PRDM13: variants seen among roughly 807,000 people sequenced by gnomAD.
PRDM13 encodes PR/SET domain 13, also known as PR domain zinc finger protein 13.
Under a neutral mutation model 36.4 loss-of-function variants are expected in PRDM13, and 15 were observed. The ratio of observed to expected loss-of-function variants is 0.41; its 90% confidence interval spans 0.28 to 0.64. The LOEUF (loss-of-function observed/expected upper bound fraction) is 0.64. Among genes scored for constraint, PRDM13 ranks in the 30% least tolerant of loss-of-function variants. The probability of loss-of-function intolerance (pLI) is 0.29; values close to 1 mark genes in which losing one functional copy is unlikely to be tolerated. For synonymous variants in PRDM13, 531 were observed against 467.7 expected (o/e 1.14, Z -1.75); for missense variants, 1,044 against 1,013.5 (o/e 1.03, Z -0.41).
chr6:99,610,086 T>C (rs775885106), intron 3 of PRDM13, among the ~76,000 whole-genome samples: 45 of 152,314 alleles, frequency 3.0e-4, no homozygotes, highest in Non-Finnish European at 5.1e-4. Flanking sequence ...AGCTGGTCAG[T>C]TGGCAGGTAC....
chr6:99,607,089 C>T lies in PRDM13; in HGVS notation c.55C>T (p.Pro19Ser), dbSNP rs1450621711. Reference protein sequence around the residue: ...ATSVSADCCIPAGLRLGPVPG... With the variant: ...ATSVSADCCISAGLRLGPVPG... Reference sequence around the variant, plus strand: ...CAGCGTGAGTGCCGACTGCTGCATCCCGGCCGGCTTGCGCCTCGGACCGGT... The same window carrying T: ...CAGCGTGAGTGCCGACTGCTGCATCTCGGCCGGCTTGCGCCTCGGACCGGT... Residue 19 changes from proline (P) to serine (S), a missense_variant, in exon 1 of 4, where the codon CCG (proline) becomes TCG (serine). Physicochemically the swap from Pro to Ser is moderately conservative, Grantham distance 74 (BLOSUM62 -1). Around this residue, in one of 3 missense-constraint regions of PRDM13, gnomAD observed 921 missense variants for 865.2 expected, o/e 1.06. Coordinates refer to ENST00000369215, the MANE Select transcript of PRDM13 (RefSeq NM_021620.4). 4.3e-6 allele frequency: 7 copies of T among 1,613,484 alleles called. No homozygotes were observed. Among genetic ancestry groups the T allele is most frequent in the Non-Finnish European group, 5.9e-6 (7 of 1,179,950 alleles).
chr6:99,608,780 G>A lies in PRDM13; in HGVS notation c.184G>A (p.Gly62Ser), dbSNP rs1769990133. Residue 62 changes from glycine (G) to serine (S), a missense_variant, in exon 2 of 4, where the codon GGC becomes AGC. Physicochemically the swap from Gly to Ser is moderately conservative, Grantham distance 56. Coordinates refer to ENST00000369215, the MANE Select transcript of PRDM13 (RefSeq NM_021620.4). ...AGGGGAGCTGGTGGACGAGTCGGGG[G>A]GCTCCCCTCTGGAGTGGATAGGGTT... Reference protein sequence around the residue: ...VRGELVDESGGSPLEWIGLIR... With the variant: ...VRGELVDESGSSPLEWIGLIR... 3 of 1,612,452 alleles carry A rather than the reference G, an allele frequency of 1.9e-6. No homozygotes were observed. Among genetic ancestry groups the A allele is most frequent in the Non-Finnish European group, 2.5e-6 (3 of 1,179,354 alleles).
At chr6:99,612,297 C>A (rs193073358) in intron 3 of PRDM13, among the ~76,000 whole-genome samples, 4 of 152,234 alleles carry the variant, frequency 2.6e-5, no homozygotes, top group Non-Finnish European at 4.4e-5. Flanking sequence ...TTATCATCAC[C>A]CTTTTTAGAG....
At chr6:99,612,490 T>C (rs1583615649) in intron 3 of PRDM13, among the ~76,000 whole-genome samples, 1 of 152,102 alleles carries the variant, frequency 6.6e-6, no homozygotes, top group Admixed American at 6.6e-5. Context: ...AATGGGTGGG[T>C]AGGGGACACA....
At chr6:99,608,222 G>A (rs1769979570) in intron 1 of PRDM13, among the ~76,000 whole-genome samples, 2 of 152,190 alleles carry the variant, frequency 1.3e-5, no homozygotes, top group African/African-American at 4.8e-5. Context: ...CCAGCTGCGG[G>A]CAAGCTTTTC....
chr6:99,614,210 C>T lies in PRDM13; in HGVS notation c.1575C>T (p.His525=). 6.2e-7 allele frequency: 1 copy of T among 1,608,274 alleles called. No individual in the cohort carries two copies. The highest frequency in any genetic ancestry group is 8.5e-7 in the Non-Finnish European group (1 of 1,178,972). Residue 525 remains histidine (H), a synonymous_variant, in exon 4 of 4, where the codon CAC becomes CAT. Transcript: ENST00000369215. ...GCATCGACCGAGAGATCGCCATGCA[C>T]AATCAGCAGCTGTCCGAGATGGCTG... ...LASIDREIAM[H]NQQLSEMAAG...
Position 99,608,782 on chromosome 6 carries a change from C to T in PRDM13, c.186C>T (p.Gly62=), listed in dbSNP as rs2114496421. ...GGGAGCTGGTGGACGAGTCGGGGGG[C>T]TCCCCTCTGGAGTGGATAGGGTTAA... is the stretch of plus-strand genomic sequence containing the variant. ...VRGELVDESG[G]SPLEWIGLIR... is the part of the protein sequence containing the mutation. The change falls in exon 2 of 4, where the codon GGC becomes GGT. Residue 62 remains glycine (G), a synonymous_variant. Transcript: ENST00000369215. 2 of 1,612,372 alleles carry T rather than the reference C, an allele frequency of 1.2e-6. No individual in the cohort carries two copies. The highest frequency in any genetic ancestry group is 1.7e-6 in the Non-Finnish European group (2 of 1,179,286).
Position 99,606,931 on chromosome 6 carries a change from C to A in PRDM13, c.-104C>A. On this transcript the variant is annotated 5_prime_UTR_variant, in exon 1 of 4. Transcript: ENST00000369215. ...CGTCACTCCGCGGGCGGAGGACGCACGTCGGGGCGCGGCTCTCTGGCTAGC... is the reference window on the plus strand; with the variant it reads ...CGTCACTCCGCGGGCGGAGGACGCAAGTCGGGGCGCGGCTCTCTGGCTAGC... 9 of 1,388,892 alleles carry A rather than the reference C, an allele frequency of 6.5e-6. No homozygotes were observed. Among genetic ancestry groups the A allele is most frequent in the African/African-American group, 1.5e-5 (1 of 66,508 alleles). 86.0% of individuals were successfully genotyped at this position (1,388,892 alleles called of 1,614,324 possible).
At position 99,609,378 on chromosome 6, in the gene PRDM13, A is replaced by C. The variant is rs1350597646; in HGVS notation, c.397+71A>C. On this transcript the variant is annotated intron_variant, in intron 3 of 3. Coordinates refer to ENST00000369215, the MANE Select transcript of PRDM13 (RefSeq NM_021620.4). Reference sequence around the variant, plus strand: ...CTCCTGTCTTGAAGCGAGTCCCTAGACATAGCTCGATCTATGTAAAATGGA... The same window carrying C: ...CTCCTGTCTTGAAGCGAGTCCCTAGCCATAGCTCGATCTATGTAAAATGGA... 1.9e-6 allele frequency: 3 copies of C among 1,547,014 alleles called. No homozygotes were observed. The Admixed American group carries it at 5.1e-5, about 27-fold the overall frequency.
rs755653407 is a variant in PRDM13 at position 99,614,271 on chromosome 6, T to C, written c.1636T>C (p.Leu546=). Residue 546 remains leucine (L), a synonymous_variant, in exon 4 of 4, where the codon TTG becomes CTG. Transcript: ENST00000369215. Reference sequence around the variant, plus strand: ...TCGCGGACGCCTGGACTCGGGGACGTTGCCACCGGCCGTCGCGGCGGCGGG... The same window carrying C: ...TCGCGGACGCCTGGACTCGGGGACGCTGCCACCGGCCGTCGCGGCGGCGGG... The part of the protein sequence containing the change: ...KGRGRLDSGT[L]PPAVAAAGGT... The C allele has an allele frequency of 9.0e-5, 144 of 1,607,526 alleles. No homozygotes were observed. Among genetic ancestry groups the C allele is most frequent in the Non-Finnish European group, 1.2e-4 (141 of 1,177,586 alleles).
At chr6:99,610,078 C>T (rs1185291421) in intron 3 of PRDM13, among the ~76,000 whole-genome samples, 1 of 152,120 alleles carries the variant, frequency 6.6e-6, no homozygotes, top group African/African-American at 2.4e-5. Context: ...GTACTTACAG[C>T]TGGTCAGTTG....
Position 99,606,876 on chromosome 6 carries a change from G to T in PRDM13, c.-159G>T, listed in dbSNP as rs1769952100. 9.2e-6 allele frequency: 9 copies of T among 983,380 alleles called. No homozygotes were observed. The highest frequency in any genetic ancestry group is 1.1e-5 in the Non-Finnish European group (8 of 702,738). 60.9% of individuals were successfully genotyped at this position (983,380 alleles called of 1,614,324 possible). A position where few individuals can be genotyped will look rare whatever the true frequency, so the allele number is the denominator to read the frequency against. ...AGCGGTGCCAAAAGGCTCCCGCCCC[G>T]ATTGAAAAGGCGCAGTGCATGCCCG... is the stretch of plus-strand genomic sequence containing the variant. On this transcript the variant is annotated 5_prime_UTR_variant, in exon 1 of 4. Transcript: ENST00000369215.
intron 3 of PRDM13, among the ~76,000 whole-genome samples, chr6:99,611,180 G>A (rs1013953346): frequency 6.6e-6 from 1 of 152,072 alleles, no homozygotes; most frequent in African/African-American, 2.4e-5. Flanking sequence ...AATAAATAGG[G>A]ATGGCTGCTA....
chr6:99,608,961 G>T (rs1435730422), intron 2 of PRDM13, 89 bp downstream of exon 2: 3 of 1,505,358 alleles, frequency 2.0e-6, no homozygotes, highest in Non-Finnish European at 2.7e-6. Context: ...AATATTAAGA[G>T]CAAAGTACTT....
rs998038186 is a variant in PRDM13, at chr6:99,614,243, G to A, written c.1608G>A (p.Lys536=). The A allele has an allele frequency of 4.3e-6, 7 of 1,609,400 alleles. No individual in the cohort carries two copies. Among genetic ancestry groups the A allele is most frequent in the Non-Finnish European group, 8.5e-7 (1 of 1,178,798 alleles). The change falls in exon 4 of 4, where the codon AAG becomes AAA. Residue 536 remains lysine, a synonymous_variant. Transcript: ENST00000369215. ...NQQLSEMAAG[K]GRGRLDSGTL... ...AGCTGTCCGAGATGGCTGCCGGGAA[G>A]GGTCGCGGACGCCTGGACTCGGGGA... is the stretch of plus-strand genomic sequence containing the variant.
rs1211010646 is a variant in PRDM13, at chr6:99,613,795, G to T, written c.1160G>T (p.Arg387Leu). ...PPGLPCSGAL[R>L]GFPLLSVPPE... Reference sequence around the variant, plus strand: ...GGCCTGCCCTGCTCTGGGGCCCTGCGCGGCTTCCCTCTGCTCTCCGTCCCC... The same window carrying T: ...GGCCTGCCCTGCTCTGGGGCCCTGCTCGGCTTCCCTCTGCTCTCCGTCCCC... The change falls in exon 4 of 4, where the codon CGC (arginine) becomes CTC (leucine). Residue 387 changes from arginine to leucine, a missense_variant. Coordinates refer to ENST00000369215, the MANE Select transcript of PRDM13 (RefSeq NM_021620.4). This position sits in a 1 kb window ranked among gnomAD's most constrained non-coding sequence, Gnocchi z 6.1. The T allele has an allele frequency of 6.6e-7, 1 of 1,507,848 alleles. No individual in the cohort carries two copies. The highest frequency in any genetic ancestry group is 2.1e-5 in the Admixed American group (1 of 48,102). 93.4% of individuals were successfully genotyped at this position (1,507,848 alleles called of 1,614,324 possible). A position where few individuals can be genotyped will look rare whatever the true frequency, so the allele number is the denominator to read the frequency against.
chr6:99,607,296 C>A, intron 1 of PRDM13, 118 bp downstream of exon 1: 1 of 1,418,674 alleles, frequency 7.0e-7, no homozygotes, highest in South Asian at 1.3e-5. Flanking sequence ...GCTAATTCTG[C>A]CGGGTGGAAG....
rs370580490 is a variant in PRDM13 at position 99,614,381 on chromosome 6, C to T, written c.1746C>T (p.Tyr582=). 2 of 1,613,368 alleles carry T rather than the reference C, an allele frequency of 1.2e-6. No individual in the cohort carries two copies. Among genetic ancestry groups the T allele is most frequent in the African/African-American group, 1.3e-5 (1 of 75,054 alleles). ...GHLCLYCGKL[Y]SRKYGLKIHM... is the part of the protein sequence containing the mutation. The stretch of plus-strand genomic sequence containing the variant: ...TGTGCCTCTACTGTGGCAAGCTGTA[C>T]TCGCGCAAGTATGGGCTCAAGATCC... Residue 582 remains tyrosine (Y), a synonymous_variant, in exon 4 of 4, where the codon TAC becomes TAT. Transcript: ENST00000369215.
chr6:99,613,945 C>A lies in PRDM13; in HGVS notation c.1310C>A (p.Pro437Gln), dbSNP rs200429669. Reference protein sequence around the residue: ...PGLPLERCALPPLDPGGLKAY... With the variant: ...PGLPLERCALQPLDPGGLKAY... Reference sequence around the variant, plus strand: ...TTGCCCCTCGAGCGCTGCGCGCTGCCGCCCCTCGACCCGGGCGGTCTCAAA... The same window carrying A: ...TTGCCCCTCGAGCGCTGCGCGCTGCAGCCCCTCGACCCGGGCGGTCTCAAA... The change falls in exon 4 of 4, where the codon CCG becomes CAG. Residue 437 changes from proline (P) to glutamine (Q), a missense_variant. Transcript: ENST00000369215. The surrounding 1 kb of genome is among the most constrained non-coding windows in gnomAD (Gnocchi z 6.1). 7.5e-5 allele frequency: 119 copies of A among 1,589,390 alleles called. No individual in the cohort carries two copies. The highest frequency in any genetic ancestry group is 9.6e-5 in the Non-Finnish European group (112 of 1,171,850).
Sources: allele counts gnomAD v4.1 joint callset (sites outside exome capture counted in the v4.1 genomes callset), GRCh38; gene constraint gnomAD v4.1.1; regional missense constraint gnomAD v4.1.1; non-coding constraint Gnocchi (gnomAD v3.1); transcripts MANE v1.5; gene names NCBI Gene and HGNC (gene_info 2026-07-23, HGNC 2026-07-21).